Variants in NBN observed in about 807,000 individuals in gnomAD.
NBN encodes the protein nibrin.
In NBN, 88 loss-of-function variants were observed where a neutral mutation model predicts 90.8. The observed-to-expected ratio is 0.97, with a 90% CI of 0.82 to 1.16. The LOEUF is 1.16. NBN is among the 50% of genes most tolerant of loss of function. NBN has a pLI of 0.00. For missense variants in NBN, 894 were observed against 869.6 expected (o/e 1.03, Z -0.35); for synonymous variants, 328 against 295.1 (o/e 1.11, Z -1.14).
chr8:89,946,274 C>T lies in NBN; in HGVS notation c.1936G>A (p.Asp646Asn), dbSNP rs2129649024. The T allele has an allele frequency of 6.3e-7, 1 of 1,583,764 alleles. No homozygotes were observed. Among genetic ancestry groups the T allele is most frequent in the East Asian group, 2.2e-5 (1 of 44,548 alleles). Reference sequence around the variant, plus strand: ...AGCTTTTTTGGAAGCATCTCACTATCATCCTGAAGTTTGTCATTGTTCTTA... The same window carrying T: ...AGCTTTTTTGGAAGCATCTCACTATTATCCTGAAGTTTGTCATTGTTCTTA... Reference protein sequence around the residue: ...EISNNDKLQDDSEMLPKKLLL... With the variant: ...EISNNDKLQDNSEMLPKKLLL... The change falls in exon 13 of 16, where the codon GAT becomes AAT. Residue 646 changes from aspartate (D) to asparagine (N), a missense_variant. Asp to Asn is a conservative substitution (Grantham distance 23). Transcript: ENST00000265433.
chr8:89,976,073 C>T (rs1027372607), intron 5 of NBN, among the ~76,000 whole-genome samples: 12 of 152,122 alleles, frequency 7.9e-5, no homozygotes, highest in Non-Finnish European at 1.5e-4. Flanking sequence ...CTCACTGCAA[C>T]CTCCACTTCC....
intron 9 of NBN, among the ~76,000 whole-genome samples, chr8:89,956,336 A>G (rs1418716836): frequency 2.6e-5 from 4 of 152,128 alleles, no homozygotes; most frequent in African/African-American, 9.6e-5. Flanking sequence ...TAATACAGTG[A>G]TATCTTAAGT....
intron 2 of NBN, 26 bp downstream of exon 2, chr8:89,982,696 C>T (rs1812125183): frequency 6.3e-7 from 1 of 1,595,014 alleles, no homozygotes; most frequent in Non-Finnish European, 8.6e-7. Context: ...TTACTGGAAA[C>T]TAGTGAAATA....
chr8:89,972,002 G>T (rs547480289), intron 5 of NBN, among the ~76,000 whole-genome samples: 2 of 152,156 alleles, frequency 1.3e-5, no homozygotes, highest in African/African-American at 4.8e-5. Flanking sequence ...CCGGCATTTC[G>T]ACTTGTCTCT....
rs940160589 is a variant in NBN, at chr8:89,981,447, A to T, written c.248T>A (p.Met83Lys). The T allele has an allele frequency of 6.2e-7, 1 of 1,614,024 alleles. No homozygotes were observed. Among genetic ancestry groups the T allele is most frequent in the Non-Finnish European group, 8.5e-7 (1 of 1,179,952 alleles). Reference protein sequence around the residue: ...KYGTFVNEEKMQNGFSRTLKS... With the variant: ...KYGTFVNEEKKQNGFSRTLKS... ...CAAAGTTCGGGAAAAGCCATTCTGC[A>T]TTTTTTCCTCATTAACAAAGGTACC... The change falls in exon 3 of 16, where the codon ATG (methionine) becomes AAG (lysine). Residue 83 changes from methionine (M) to lysine (K), a missense_variant. Transcript: ENST00000265433.
Position 89,958,604 on chromosome 8 carries a change from T to C in NBN, c.1124+121A>G. On this transcript the variant is annotated intron_variant, in intron 9 of 15. Coordinates refer to ENST00000265433, the MANE Select transcript of NBN (RefSeq NM_002485.5). ...TGTCCTAAGATATCATTTTCCCTGG[T>C]ATCCCATTCTTCCATGCTTTCTCTC... is the stretch of plus-strand genomic sequence containing the variant. 8 of 1,184,364 alleles carry C rather than the reference T, an allele frequency of 6.8e-6. No homozygotes were observed. The South Asian group carries it at 1.0e-4, about 15-fold the overall frequency. The allele number at this position is 1,184,364 out of a possible 1,614,324, so 73.4% of individuals were successfully genotyped here.
At chr8:89,941,811 T>C (rs567526824) in intron 14 of NBN, among the ~76,000 whole-genome samples, 10 of 152,350 alleles carry the variant, frequency 6.6e-5, no homozygotes, top group African/African-American at 2.4e-4. Context: ...AAGGATGTGA[T>C]TTCCATTCTT....
chr8:89,973,152 C>G (rs1220229312), intron 5 of NBN, among the ~76,000 whole-genome samples: 2 of 152,186 alleles, frequency 1.3e-5, no homozygotes, highest in Non-Finnish European at 2.9e-5. Context: ...AGGGCAGAAA[C>G]TGTAACTTTT....
chr8:89,949,057 T>A (rs1021314533), intron 11 of NBN, among the ~76,000 whole-genome samples: 8 of 152,212 alleles, frequency 5.3e-5, no homozygotes, highest in African/African-American at 1.9e-4. Flanking sequence ...TCTACCTCAA[T>A]GCCTATCAAA....
At chr8:89,956,241 A>T (rs1810712443) in intron 9 of NBN, among the ~76,000 whole-genome samples, 1 of 151,522 alleles carries the variant, frequency 6.6e-6, no homozygotes, top group African/African-American at 2.4e-5. Flanking sequence ...TCATTCAAGC[A>T]ACTTCCAAAA....
At chr8:89,948,981 A>C (rs1214497830) in intron 11 of NBN, among the ~76,000 whole-genome samples, 1 of 152,200 alleles carries the variant, frequency 6.6e-6, no homozygotes, top group East Asian at 1.9e-4. Flanking sequence ...ATAAGCTTGG[A>C]AATTATCTTA....
At chr8:89,956,660 C>T (rs1810730143) in intron 9 of NBN, among the ~76,000 whole-genome samples, 1 of 152,122 alleles carries the variant, frequency 6.6e-6, no homozygotes, top group South Asian at 2.1e-4. Flanking sequence ...CAATTCTTTC[C>T]AGTCATCCAT....
At chr8:89,984,403 T>C (rs2129936626) in intron 1 of NBN, 122 bp downstream of exon 1, 8 of 934,374 alleles carry the variant, frequency 8.6e-6, no homozygotes, top group African/African-American at 1.6e-5. Context: ...TCGCCGCTTC[T>C]GCGACCGCTT....
At chr8:89,978,420 C>A in intron 4 of NBN, 97 bp from the exon 5 acceptor site, 1 of 949,464 alleles carries the variant, frequency 1.1e-6, no homozygotes. Context: ...TGTTTACATC[C>A]ATAAAAAATA....
intron 11 of NBN, 34 bp from the exon 12 acceptor site, chr8:89,947,926 G>A (rs1239120410): frequency 1.8e-5 from 24 of 1,302,608 alleles, no homozygotes; most frequent in Non-Finnish European, 2.6e-5. Flanking sequence ...CTGTTCATAG[G>A]AGTAATAAAA....
chr8:89,935,604 G>A lies in NBN; in HGVS notation c.2243C>T (p.Pro748Leu). 6.2e-7 allele frequency: 1 copy of A among 1,608,230 alleles called. No individual in the cohort carries two copies. The highest frequency in any genetic ancestry group is 8.5e-7 in the Non-Finnish European group (1 of 1,175,654). ...SLADDLFRYN[P>L]YLKRRR is the part of the protein sequence containing the mutation. ...CAGTTATCTTCTCCTTTTTAAATAA[G>A]GATTGTATCTGCAAAGAAAGAAATG... Residue 748 changes from proline to leucine, a missense_variant, in exon 16 of 16, where the codon CCT becomes CTT. Coordinates refer to ENST00000265433, the MANE Select transcript of NBN (RefSeq NM_002485.5).
chr8:89,956,082 T>C (rs1805788), intron 9 of NBN, among the ~76,000 whole-genome samples: 81,312 of 151,292 alleles, frequency 0.54, 25,405 homozygotes, highest in African/African-American at 0.87. Flanking sequence ...GAACAGAACT[T>C]TAGATTACCA....
At chr8:89,943,679 T>C (rs1810055807) in intron 13 of NBN, among the ~76,000 whole-genome samples, 2 of 152,216 alleles carry the variant, frequency 1.3e-5, no homozygotes, top group African/African-American at 2.4e-5. Flanking sequence ...CAACTCAAGA[T>C]GAACACAAAC....
At chr8:89,954,188 C>T (rs1451348670) in intron 10 of NBN, among the ~76,000 whole-genome samples, 2 of 152,072 alleles carry the variant, frequency 1.3e-5, no homozygotes, top group African/African-American at 4.8e-5. Flanking sequence ...TAAAAGTTTC[C>T]TATACAATAC....
Sources: allele counts gnomAD v4.1 joint callset (sites outside exome capture counted in the v4.1 genomes callset), GRCh38; gene constraint gnomAD v4.1.1; transcripts MANE v1.5; gene names NCBI Gene and HGNC (gene_info 2026-07-23, HGNC 2026-07-21).